MICAL3: variants seen among roughly 807,000 people sequenced by gnomAD.
MICAL3 encodes the protein [F-actin]-monooxygenase MICAL3.
Under a neutral mutation model 207.4 loss-of-function variants are expected in MICAL3, and 62 were observed. That is an observed-to-expected ratio of 0.30 (90% confidence interval 0.24 to 0.37). The LOEUF is 0.37. Ranked by LOEUF, MICAL3 falls within the 10% of genes least tolerant of loss-of-function variation. The probability of loss-of-function intolerance (pLI) is 1.00; values close to 1 mark genes in which losing one functional copy is unlikely to be tolerated. For synonymous variants in MICAL3, 1,077 were observed against 1,069.3 expected, an observed-to-expected ratio of 1.01 and a Z score of -0.14; for missense variants, 2,368 against 2,635.6, an observed-to-expected ratio of 0.90 and a Z score of 2.22.
Position 17,822,178 on chromosome 22 carries a change from A to C in MICAL3, c.3308-8T>G. On this transcript the variant is annotated splice_region_variant and splice_polypyrimidine_tract_variant and intron_variant, in intron 23 of 31. Coordinates refer to ENST00000441493, the MANE Select transcript of MICAL3 (RefSeq NM_015241.3). ...TGTCAGACCAGTGCTGATCTGGCAGAGGGAAGGGGCAGAAGTGGGTGCACA... is the reference window on the plus strand; with the variant it reads ...TGTCAGACCAGTGCTGATCTGGCAGCGGGAAGGGGCAGAAGTGGGTGCACA... The C allele has an allele frequency of 1.2e-6, 2 of 1,612,930 alleles. No individual in the cohort carries two copies. The highest frequency in any genetic ancestry group is 1.7e-6 in the Non-Finnish European group (2 of 1,179,592).
chr22:17,861,439 CACTCGGGGAAAAAG>C (rs1375051994), intron 19 of MICAL3: 7 of 985,340 alleles, frequency 7.1e-6, no homozygotes, highest in Non-Finnish European at 8.4e-6. Flanking sequence ...CGGTGATGAG[CACTCGGGGAAAAAG>C]CTCTTCTGTT....
chr22:17,818,187 C>T lies in MICAL3; in HGVS notation c.4474G>A (p.Ala1492Thr), dbSNP rs761904383. ...TCCCGGGGGGGCCGCATCCAGGTGGCGGGCAAGGGCGGCGGGACCACCGAG... is the reference window on the plus strand; with the variant it reads ...TCCCGGGGGGGCCGCATCCAGGTGGTGGGCAAGGGCGGCGGGACCACCGAG... ...NASVVPPPLP[A>T]TWMRPPREPA... The change falls in exon 26 of 32, where the codon GCC becomes ACC. Residue 1492 changes from alanine to threonine, a missense_variant. This residue lies in a region of MICAL3 where 1,770 missense variants were observed against 1,863.2 expected (regional missense o/e 0.95). Coordinates refer to ENST00000441493, the MANE Select transcript of MICAL3 (RefSeq NM_015241.3). 7.4e-5 allele frequency: 115 copies of T among 1,551,328 alleles called. No individual in the cohort carries two copies. Among genetic ancestry groups the T allele is most frequent in the Middle Eastern group, 5.0e-4 (3 of 5,966 alleles).
chr22:17,836,117 G>C (rs73384541), intron 20 of MICAL3, among the ~76,000 whole-genome samples: 9 of 152,178 alleles, frequency 5.9e-5, no homozygotes, highest in Non-Finnish European at 1.2e-4. Context: ...TTCTCACTGA[G>C]ACACTGGCAG....
At chr22:17,992,823 G>A (rs1921842423) in intron 1 of MICAL3, among the ~76,000 whole-genome samples, 1 of 152,120 alleles carries the variant, frequency 6.6e-6, no homozygotes, top group Non-Finnish European at 1.5e-5. Flanking sequence ...GGAGTCATTA[G>A]CTATGCAAAT....
chr22:18,012,513 T>C (rs986226895), intron 1 of MICAL3, among the ~76,000 whole-genome samples: 9 of 152,194 alleles, frequency 5.9e-5, no homozygotes, highest in Non-Finnish European at 1.2e-4. Context: ...ATCATCTAAT[T>C]GGGCTTCTTC....
At chr22:17,884,401 G>A (rs1382739356) in intron 16 of MICAL3, 2 of 1,444,020 alleles carry the variant, frequency 1.4e-6, no homozygotes, top group South Asian at 1.3e-5. Flanking sequence ...AGGACATGGA[G>A]ACAAAACAAA....
At chr22:17,916,443 C>G (rs1932521682) in intron 1 of MICAL3, among the ~76,000 whole-genome samples, 2 of 152,166 alleles carry the variant, frequency 1.3e-5, no homozygotes, top group African/African-American at 4.8e-5. Context: ...ACTCTGCTCC[C>G]CTTGACAGCA....
intron 1 of MICAL3, among the ~76,000 whole-genome samples, chr22:17,998,263 T>C (rs1922522793): frequency 9.9e-6 from 1 of 100,570 alleles, no homozygotes. Flanking sequence ...ACTGCGCCAT[T>C]GCACTCCAGA....
intron 2 of MICAL3, among the ~76,000 whole-genome samples, chr22:17,905,237 G>A (rs1335432246): frequency 6.6e-6 from 1 of 152,198 alleles, no homozygotes; most frequent in African/African-American, 2.4e-5. Flanking sequence ...TGTCCAAAGA[G>A]ATACAGAGTA....
intron 1 of MICAL3, among the ~76,000 whole-genome samples, chr22:17,986,781 C>T (rs1663126): frequency 0.065 from 9,873 of 152,234 alleles, 418 homozygotes; most frequent in East Asian, 0.21. Context: ...AGACACTTCC[C>T]TATTTCTAGT....
At chr22:17,962,913 TA>T (rs1409648027) in intron 1 of MICAL3, among the ~76,000 whole-genome samples, 1 of 152,124 alleles carries the variant, frequency 6.6e-6, no homozygotes, top group Non-Finnish European at 1.5e-5. Context: ...CATGCCCAGC[TA>T]AATTTTTTTT....
chr22:17,954,399 G>GC (rs1007894574), intron 1 of MICAL3, among the ~76,000 whole-genome samples: 304 of 152,232 alleles, frequency 2.0e-3, no homozygotes, highest in African/African-American at 7.2e-3. Flanking sequence ...CAGGGGGAAG[G>GC]AGATTCTGGC....
chr22:17,839,209 G>A (rs144500069), intron 20 of MICAL3, among the ~76,000 whole-genome samples: 17 of 151,238 alleles, frequency 1.1e-4, no homozygotes, highest in African/African-American at 2.9e-4. Flanking sequence ...TTGGCCTCCC[G>A]GAGTACTGGG....
intron 1 of MICAL3, among the ~76,000 whole-genome samples, chr22:17,995,212 T>C (rs1282558540): frequency 6.6e-6 from 1 of 152,206 alleles, no homozygotes; most frequent in Non-Finnish European, 1.5e-5. Context: ...GGTCTCACTC[T>C]GTCACCCAGA....
At chr22:17,884,210 C>T in intron 16 of MICAL3, 1 of 1,146,840 alleles carries the variant, frequency 8.7e-7, no homozygotes, top group Non-Finnish European at 1.3e-6. Flanking sequence ...CCCTGGCTGG[C>T]TCAGGAGGAG....
At chr22:17,866,997 T>C (rs1927229355) in intron 17 of MICAL3, among the ~76,000 whole-genome samples, 2 of 152,214 alleles carry the variant, frequency 1.3e-5, no homozygotes, top group Admixed American at 6.5e-5. Context: ...AGAGAGTGCT[T>C]CTTAGACAAA....
intron 1 of MICAL3, among the ~76,000 whole-genome samples, chr22:17,940,452 A>G (rs1053608343): frequency 2.0e-5 from 3 of 152,176 alleles, no homozygotes; most frequent in Admixed American, 6.5e-5. Context: ...AAGGAATAAG[A>G]AAACTGATTC....
At chr22:17,928,847 T>C (rs1352613958) in intron 1 of MICAL3, among the ~76,000 whole-genome samples, 1 of 152,148 alleles carries the variant, frequency 6.6e-6, no homozygotes, top group East Asian at 1.9e-4. Context: ...CAGGCTGGAG[T>C]GCAGTGTCGT....
chr22:17,848,782 T>G (rs1458449414), intron 19 of MICAL3, among the ~76,000 whole-genome samples: 1 of 152,222 alleles, frequency 6.6e-6, no homozygotes, highest in Non-Finnish European at 1.5e-5. Flanking sequence ...GGCCCTACAG[T>G]GTACAAAAGG....
Sources: allele counts gnomAD v4.1 joint callset (sites outside exome capture counted in the v4.1 genomes callset), GRCh38; gene constraint gnomAD v4.1.1; regional missense constraint gnomAD v4.1.1; transcripts MANE v1.5; gene names NCBI Gene and HGNC (gene_info 2026-07-23, HGNC 2026-07-21).